PHF19: variants seen among roughly 807,000 people sequenced by gnomAD.
PHF19 encodes PHD finger protein 19, also known as polycomb like 3.
In PHF19, 21 loss-of-function variants were observed where a neutral mutation model predicts 79.8. The ratio of observed to expected loss-of-function variants is 0.26; its 90% CI spans 0.19 to 0.38. The LOEUF is 0.38. PHF19 is among the 10% of genes least tolerant of loss of function. The pLI, the probability that PHF19 is intolerant of heterozygous loss-of-function variation, is 1.00. For missense variants in PHF19, 445 were observed against 744.2 expected (o/e 0.60, Z 4.68); for synonymous variants, 273 against 296.3 (o/e 0.92, Z 0.81).
chr9:120,886,643 T>A (rs1442295045), intron 1 of PHF19, among the ~76,000 whole-genome samples: 4 of 152,038 alleles, frequency 2.6e-5, no homozygotes, highest in Admixed American at 2.6e-4. Flanking sequence ...TCAGCTGGAG[T>A]GTTTCCCACT....
chr9:120,894,016 C>T (rs2046373493), intron 1 of PHF19, among the ~76,000 whole-genome samples: 1 of 152,194 alleles, frequency 6.6e-6, no homozygotes, highest in Non-Finnish European at 1.5e-5. Flanking sequence ...ACCCAGCGCT[C>T]CCAGTTTTCA....
chr9:120,861,826 TG>T, intron 12 of PHF19, 91 bp downstream of exon 12: 1 of 873,962 alleles, frequency 1.1e-6, no homozygotes. Context: ...GAGAGTCCTC[TG>T]GGCCTGGGGG....
chr9:120,880,845 A>T (rs939150739), upstream of PHF19, among the ~76,000 whole-genome samples: 1 of 152,026 alleles, frequency 6.6e-6, no homozygotes, highest in African/African-American at 2.4e-5. Flanking sequence ...CTGTAGTCCC[A>T]GCTACTTGGG....
intron 1 of PHF19, 192 bp downstream of exon 1, chr9:120,876,899 C>T: frequency 1.2e-6 from 1 of 866,686 alleles, no homozygotes; most frequent in Non-Finnish European, 1.4e-6. Context: ...GGCTCGGGAA[C>T]CCGGGTGGGG....
chr9:120,896,552 C>G (rs541572106), upstream of PHF19, among the ~76,000 whole-genome samples: 1 of 150,136 alleles, frequency 6.7e-6, no homozygotes, highest in African/African-American at 2.5e-5. Flanking sequence ...CCCGGGTTCA[C>G]GCCATTCTCC....
In PHF19 at chr9:120,860,343, A is replaced by C; in HGVS notation, c.1305-158T>G. On this transcript the variant is annotated intron_variant, in intron 13 of 14. Coordinates refer to ENST00000373896, the MANE Select transcript of PHF19 (RefSeq NM_015651.3). This position sits in a 1 kb window ranked among gnomAD's most constrained non-coding sequence, Gnocchi z 4.1. The stretch of plus-strand genomic sequence containing the variant: ...CACCACACCTGTCTGTTTCCTACCC[A>C]GCCACCCTTCAAAGTCCAAGAAGTC... The C allele has an allele frequency of 1.7e-6, 1 of 599,056 alleles. No individual in the cohort carries two copies. The highest frequency in any genetic ancestry group is 3.0e-6 in the Non-Finnish European group (1 of 331,260). The allele number at this position is 599,056 out of a possible 1,614,324, so 37.1% of individuals were successfully genotyped here.
At chr9:120,868,999 C>T (rs1368470242) in intron 6 of PHF19, 183 bp downstream of exon 6, 8 of 473,464 alleles carry the variant, frequency 1.7e-5, no homozygotes, top group Non-Finnish European at 2.1e-5. Flanking sequence ...CGAGGCCCCA[C>T]CCCCGCGGCT....
chr9:120,897,622 T>A (rs1162291212), upstream of PHF19, among the ~76,000 whole-genome samples: 15 of 152,226 alleles, frequency 9.9e-5, no homozygotes. Flanking sequence ...TTTAATATAC[T>A]TTAACCTATC....
intron 3 of PHF19, among the ~76,000 whole-genome samples, chr9:120,872,037 C>CAAAAAAAAAAAAAAAAAAA (rs1170243737): frequency 4.0e-4 from 12 of 30,324 alleles, no homozygotes; most frequent in African/African-American, 9.3e-4. Context: ...GACTCTGTCT[C>CAAAAAAAAAAAAAAAAAAA]AAAAAAAAAA....
chr9:120,874,186 T>C lies in PHF19; in HGVS notation c.187-126A>G, dbSNP rs1177167733. 7 of 636,788 alleles carry C rather than the reference T, an allele frequency of 1.1e-5. No homozygotes were observed. The highest frequency in any genetic ancestry group is 3.6e-5 in the African/African-American group (2 of 55,212). 39.4% of individuals were successfully genotyped at this position (636,788 alleles called of 1,614,324 possible). On this transcript the variant is annotated intron_variant, in intron 2 of 14. Transcript: ENST00000373896. This position sits in a 1 kb window ranked among gnomAD's most constrained non-coding sequence, Gnocchi z 4.5. ...AGCAGGGCTAGAAGGGGAAGAAGGA[T>C]GGCAGTTCCTGGACAGGGTGTACTC...
At chr9:120,863,770 A>G (rs1307517193) in intron 10 of PHF19, among the ~76,000 whole-genome samples, 3 of 152,126 alleles carry the variant, frequency 2.0e-5, no homozygotes, top group Non-Finnish European at 4.4e-5. Context: ...CCTGGCCCCC[A>G]AGGCCTAGAT....
intron 1 of PHF19, among the ~76,000 whole-genome samples, chr9:120,889,787 A>AG (rs2046316177): frequency 7.9e-6 from 1 of 126,852 alleles, no homozygotes; most frequent in Admixed American, 8.5e-5. Flanking sequence ...GAAAAGAGAA[A>AG]GAAGAAAGGA....
intron 14 of PHF19, among the ~76,000 whole-genome samples, chr9:120,858,833 A>T (rs971435992): frequency 6.6e-6 from 1 of 151,406 alleles, no homozygotes; most frequent in Non-Finnish European, 1.5e-5. Context: ...ACACACACAC[A>T]CACACACACA....
Position 120,874,949 on chromosome 9 carries a change from G to A in PHF19, c.-15-193C>T, listed in dbSNP as rs1275291847. Among the ~76,000 whole-genome samples the A allele has an allele frequency of 1.3e-5, 2 of 152,172 alleles. No homozygotes were observed. The highest frequency in any genetic ancestry group is 4.8e-5 in the African/African-American group (2 of 41,426). The stretch of plus-strand genomic sequence containing the variant: ...ACATCTTACAGATAGGGAAACAGGT[G>A]TGGCAAGGAGAAGAGGCTGATGGGC... On this transcript the variant is annotated intron_variant, in intron 1 of 14. Coordinates refer to ENST00000373896, the MANE Select transcript of PHF19 (RefSeq NM_015651.3). The surrounding 1 kb of genome is among the most constrained non-coding windows in gnomAD (Gnocchi z 4.5).
intron 1 of PHF19, among the ~76,000 whole-genome samples, chr9:120,883,786 A>C (rs186155629): frequency 7.1e-6 from 1 of 141,514 alleles, no homozygotes; most frequent in Admixed American, 7.2e-5. Context: ...AAAAAATAGA[A>C]GCTCCTGGTC....
At position 120,869,151 on chromosome 9, in the gene PHF19, C is replaced by T; in HGVS notation, c.614+31G>A. The T allele has an allele frequency of 6.3e-7, 1 of 1,584,822 alleles. No homozygotes were observed. The highest frequency in any genetic ancestry group is 8.6e-7 in the Non-Finnish European group (1 of 1,165,756). ...TGGCGATTCTTGGAGACCTGCCCTG[C>T]CGCCCGGGGGGCCCTGACCCCCTGC... is the stretch of plus-strand genomic sequence containing the variant. On this transcript the variant is annotated intron_variant, in intron 6 of 14. Transcript: ENST00000373896. The surrounding 1 kb of genome is among the most constrained non-coding windows in gnomAD (Gnocchi z 5.8).
chr9:120,873,819 T>C (rs781650720), intron 3 of PHF19, among the ~76,000 whole-genome samples, 160 bp downstream of exon 3: 2 of 152,202 alleles, frequency 1.3e-5, no homozygotes, highest in African/African-American at 2.4e-5. Context: ...TAAGTCAATA[T>C]ACAACCAGAT....
At chr9:120,888,033 C>CTT (rs1439613659) in intron 1 of PHF19, among the ~76,000 whole-genome samples, 54 of 152,320 alleles carry the variant, frequency 3.5e-4, no homozygotes, top group Non-Finnish European at 5.7e-4. Context: ...AGTGCAGTCG[C>CTT]ACGATCTCAG....
At chr9:120,861,590 T>C (rs969422424) in intron 12 of PHF19, among the ~76,000 whole-genome samples, 2 of 152,204 alleles carry the variant, frequency 1.3e-5, no homozygotes, top group African/African-American at 4.8e-5. Flanking sequence ...GAAAGTGCTC[T>C]GGAACCCTGG....
Sources: allele counts gnomAD v4.1 joint callset (sites outside exome capture counted in the v4.1 genomes callset), GRCh38; gene constraint gnomAD v4.1.1; non-coding constraint Gnocchi (gnomAD v3.1); transcripts MANE v1.5; gene names NCBI Gene and HGNC (gene_info 2026-07-23, HGNC 2026-07-21).